ARHGAP8: variants seen among roughly 807,000 people sequenced by gnomAD.
ARHGAP8 encodes Rho GTPase activating protein 8, also known as rho GTPase-activating protein 8.
In ARHGAP8, 62 loss-of-function variants were observed where a neutral mutation model predicts 46.1. The ratio of observed to expected loss-of-function variants is 1.34; its 90% CI spans 1.10 to 1.66. ARHGAP8 has a LOEUF of 1.66. Among genes scored for constraint, ARHGAP8 ranks in the 40% most tolerant of loss-of-function variants. ARHGAP8 has a pLI of 0.00. For missense variants in ARHGAP8, 923 were observed against 568.4 expected, an observed-to-expected ratio of 1.62 and a Z score of -6.34; for synonymous variants, 375 against 243.1, an observed-to-expected ratio of 1.54 and a Z score of -5.05.
At chr22:44,803,875 C>T (rs1178909626) in intron 3 of ARHGAP8, among the ~76,000 whole-genome samples, 8 of 150,616 alleles carry the variant, frequency 5.3e-5, no homozygotes, top group Admixed American at 5.3e-4. Flanking sequence ...TTGACTAAGT[C>T]ACATGCTCAG....
intron 1 of ARHGAP8, among the ~76,000 whole-genome samples, chr22:44,769,366 C>T (rs187075450): frequency 6.6e-6 from 1 of 152,280 alleles, no homozygotes; most frequent in Admixed American, 6.5e-5. Context: ...ATTAGTGTAG[C>T]TTTATAATAG....
chr22:44,823,192 T>C (rs1930278663), intron 6 of ARHGAP8, among the ~76,000 whole-genome samples: 1 of 152,112 alleles, frequency 6.6e-6, no homozygotes, highest in Non-Finnish European at 1.5e-5. Flanking sequence ...TAGAGGTGTT[T>C]AGGGAGTGTG....
chr22:44,801,416 C>A (rs1455366332), intron 2 of ARHGAP8, among the ~76,000 whole-genome samples: 1 of 128,348 alleles, frequency 7.8e-6, no homozygotes, highest in African/African-American at 3.0e-5. Context: ...CGCCCCTCCC[C>A]ACAGCTGTCC....
intron 10 of ARHGAP8, among the ~76,000 whole-genome samples, chr22:44,852,571 C>G (rs1370581441): frequency 2.0e-5 from 3 of 152,078 alleles, no homozygotes; most frequent in Non-Finnish European, 2.9e-5. Flanking sequence ...TTTTACAGTC[C>G]AGAAACTGAG....
intron 2 of ARHGAP8, among the ~76,000 whole-genome samples, chr22:44,797,791 C>T (rs1309763728): frequency 2.0e-5 from 3 of 151,994 alleles, no homozygotes; most frequent in African/African-American, 4.8e-5. Flanking sequence ...CATGTGAGTA[C>T]GTGTGTGCAC....
At chr22:44,819,831 C>A (rs567290491) in intron 5 of ARHGAP8, among the ~76,000 whole-genome samples, 1 of 152,190 alleles carries the variant, frequency 6.6e-6, no homozygotes, top group South Asian at 2.1e-4. Flanking sequence ...AGAGAGGTTA[C>A]GCCCAAGTCG....
At position 44,862,412 on chromosome 22, in the gene ARHGAP8, G is replaced by A. The variant is rs13405; in HGVS notation, c.1119G>A (p.Leu373=). 6.2e-7 allele frequency: 1 copy of A among 1,614,146 alleles called. No homozygotes were observed. The highest frequency in any genetic ancestry group is 8.5e-7 in the Non-Finnish European group (1 of 1,180,010). ...CCCTGAACATGTTCACTGAACTGCT[G>A]ATCGAGTACTATGAAAAGATCTTCA... The part of the protein sequence containing the change: ...LVPLNMFTEL[L]IEYYEKIFST... Residue 373 remains leucine, a synonymous_variant, in exon 12 of 12, where the codon CTG becomes CTA. Transcript: ENST00000356099.
intron 11 of ARHGAP8, among the ~76,000 whole-genome samples, chr22:44,860,829 C>T (rs1031635711): frequency 3.9e-5 from 6 of 152,172 alleles, no homozygotes; most frequent in Admixed American, 3.9e-4. Context: ...ATGTTTAACC[C>T]CCTCCATCTC....
intron 7 of ARHGAP8, among the ~76,000 whole-genome samples, chr22:44,829,008 C>T (rs1196316383): frequency 6.6e-6 from 1 of 150,664 alleles, no homozygotes; most frequent in Non-Finnish European, 1.5e-5. Flanking sequence ...TGCGGTGGCT[C>T]ATGCCTGTAA....
At chr22:44,814,171 A>G (rs1929566604) in intron 4 of ARHGAP8, among the ~76,000 whole-genome samples, 1 of 152,168 alleles carries the variant, frequency 6.6e-6, no homozygotes, top group Non-Finnish European at 1.5e-5. Flanking sequence ...AGAGAAGTTC[A>G]CTGGGTGTTC....
At position 44,859,573 on chromosome 22, in the gene ARHGAP8, G is replaced by C. The variant is rs1421242182; in HGVS notation, c.878-158G>C. ...CAAACACACAGGTTTGCTGAGCAGA[G>C]CCATACGGCCAGAAGATAAGTGGGG... On this transcript the variant is annotated intron_variant, in intron 10 of 11. Transcript: ENST00000356099. The C allele has an allele frequency of 4.3e-6, 3 of 704,528 alleles. No individual in the cohort carries two copies. The Admixed American group carries it at 7.6e-5, about 18-fold the overall frequency. 43.6% of individuals were successfully genotyped at this position (704,528 alleles called of 1,614,324 possible).
At position 44,862,665 on chromosome 22, in the gene ARHGAP8, T is replaced by G. The variant is rs1371192421; in HGVS notation, c.*70T>G. ...CTGTGCACTTGTATGTTTTGTAAAC[T>G]TGGCATCTGTAAAAATAACCAGCCA... On this transcript the variant is annotated 3_prime_UTR_variant, in exon 12 of 12. Coordinates refer to ENST00000356099, the MANE Select transcript of ARHGAP8 (RefSeq NM_181335.3). The G allele has an allele frequency of 2.7e-6, 4 of 1,480,150 alleles. No individual in the cohort carries two copies. Among genetic ancestry groups the G allele is most frequent in the Non-Finnish European group, 3.6e-6 (4 of 1,113,998 alleles). 91.7% of individuals were successfully genotyped at this position (1,480,150 alleles called of 1,614,324 possible).
chr22:44,819,758 G>A (rs1029705590), intron 5 of ARHGAP8, among the ~76,000 whole-genome samples: 8 of 152,150 alleles, frequency 5.3e-5, no homozygotes, highest in African/African-American at 1.4e-4. Context: ...TGCCAGCACC[G>A]CAAAACAGTA....
chr22:44,838,428 A>G (rs5766083), intron 7 of ARHGAP8, among the ~76,000 whole-genome samples: 25,200 of 151,666 alleles, frequency 0.17, 2,264 homozygotes, highest in East Asian at 0.32. Flanking sequence ...GAGCCACCGT[A>G]CCCGGCCTTA....
chr22:44,782,389 T>A (rs935336012), intron 1 of ARHGAP8, among the ~76,000 whole-genome samples: 3 of 152,122 alleles, frequency 2.0e-5, no homozygotes, highest in Non-Finnish European at 4.4e-5. Flanking sequence ...AAGCACACAA[T>A]TCAGGGCTGT....
chr22:44,862,343 G>A lies in ARHGAP8; in HGVS notation c.1050G>A (p.Leu350=). The part of the protein sequence containing the change: ...SNLACVFGLN[L]IWPSQGVSSL... Reference sequence around the variant, plus strand: ...TGGCCTGTGTCTTCGGGCTGAATTTGATCTGGCCATCCCAGGGGGTCTCCT... The same window carrying A: ...TGGCCTGTGTCTTCGGGCTGAATTTAATCTGGCCATCCCAGGGGGTCTCCT... Residue 350 remains leucine, a synonymous_variant, in exon 12 of 12, where the codon TTG becomes TTA. Transcript: ENST00000356099. 1 of 1,614,062 alleles carries A rather than the reference G, an allele frequency of 6.2e-7. No homozygotes were observed. The highest frequency in any genetic ancestry group is 8.5e-7 in the Non-Finnish European group (1 of 1,179,962).
chr22:44,860,084 A>C (rs985067371), intron 11 of ARHGAP8, among the ~76,000 whole-genome samples: 4 of 152,032 alleles, frequency 2.6e-5, no homozygotes, highest in African/African-American at 7.2e-5. Context: ...TCCCTCAGCC[A>C]TTGCCAGTGA....
chr22:44,774,518 ATTTTTTTT>A (rs132473), intron 1 of ARHGAP8, among the ~76,000 whole-genome samples: 1 of 119,504 alleles, frequency 8.4e-6, no homozygotes, highest in Non-Finnish European at 1.7e-5. Context: ...TCTTTGGGAG[ATTTTTTTT>A]TTTTTTTTTT....
chr22:44,766,478 A>G lies in ARHGAP8; in HGVS notation c.-72+13851A>G, dbSNP rs185015930. Among the ~76,000 whole-genome samples, 167 of 150,588 alleles carry G rather than the reference A, an allele frequency of 1.1e-3. 1 individual carries two copies. Among genetic ancestry groups the G allele is most frequent in the African/African-American group, 3.6e-3 (149 of 40,826 alleles). Reference sequence around the variant, plus strand: ...TCTCTGTGTACGTGTCTCTGTGCATATGTGTGTCTCTGTGTACGTGTGTCT... The same window carrying G: ...TCTCTGTGTACGTGTCTCTGTGCATGTGTGTGTCTCTGTGTACGTGTGTCT... On this transcript the variant is annotated intron_variant, in intron 1 of 11. Coordinates refer to ENST00000356099, the MANE Select transcript of ARHGAP8 (RefSeq NM_181335.3).
Sources: gnomAD v4.1 joint callset for allele counts (sites outside exome capture counted in the v4.1 genomes callset) on GRCh38, gnomAD v4.1.1 for gene constraint, MANE v1.5 for transcripts, NCBI Gene and HGNC (gene_info 2026-07-23, HGNC 2026-07-21) for gene names.